WHAMM: variants seen among roughly 807,000 people sequenced by gnomAD.
WHAMM encodes WASP homolog associated with actin, golgi membranes and microtubules.
In WHAMM, 67 loss-of-function variants were observed where a neutral mutation model predicts 76.5. The observed-to-expected ratio is 0.88, with a 90% CI of 0.72 to 1.07. The LOEUF (loss-of-function observed/expected upper bound fraction) is 1.07. Ranked by LOEUF, WHAMM falls within the 50% of genes least tolerant of loss-of-function variation. The probability of loss-of-function intolerance (pLI) is 0.00; values close to 1 mark genes in which losing one functional copy is unlikely to be tolerated. For synonymous variants in WHAMM, 419 were observed against 422.1 expected (o/e 0.99, Z 0.09); for missense variants, 1,021 against 1,051.1 (o/e 0.97, Z 0.40).
At chr15:82,814,993 A>T (rs567069679) in intron 2 of WHAMM, among the ~76,000 whole-genome samples, 1 of 146,352 alleles carries the variant, frequency 6.8e-6, no homozygotes, top group African/African-American at 2.5e-5. Flanking sequence ...GATGGTCTTG[A>T]TCTCCTGACC....
At position 82,823,294 on chromosome 15, in the gene WHAMM, A is replaced by G; in HGVS notation, c.1458+7A>G. On this transcript the variant is annotated splice_region_variant and intron_variant, in intron 6 of 9. Coordinates refer to ENST00000286760, the MANE Select transcript of WHAMM (RefSeq NM_001080435.3). ...CTCTCTCCGGAGTAGAAAGGTAGGT[A>G]CGCTCAGAGCGGCTTTCTTTTCTTT... 1 of 1,463,150 alleles carries G rather than the reference A, an allele frequency of 6.8e-7. No individual in the cohort carries two copies. The highest frequency in any genetic ancestry group is 9.1e-7 in the Non-Finnish European group (1 of 1,099,040). 90.6% of individuals were successfully genotyped at this position (1,463,150 alleles called of 1,614,324 possible).
chr15:82,829,701 G>A (rs188749546), intron 8 of WHAMM, among the ~76,000 whole-genome samples: 1 of 151,944 alleles, frequency 6.6e-6, no homozygotes, highest in Non-Finnish European at 1.5e-5. Context: ...GGATTGCATG[G>A]GGGGGGTGTG....
At chr15:82,824,848 G>T (rs1661652644) in intron 6 of WHAMM, among the ~76,000 whole-genome samples, 1 of 151,912 alleles carries the variant, frequency 6.6e-6, no homozygotes, top group African/African-American at 2.4e-5. Flanking sequence ...ACTCTTCCAT[G>T]TAAATACAAA....
chr15:82,812,533 G>A (rs2050647355), intron 1 of WHAMM, among the ~76,000 whole-genome samples: 1 of 151,552 alleles, frequency 6.6e-6, no homozygotes, highest in South Asian at 2.1e-4. Context: ...TGGCCCTTAC[G>A]AGCTTTAAAA....
At chr15:82,811,607 G>C (rs1394268443) in intron 1 of WHAMM, among the ~76,000 whole-genome samples, 1 of 152,082 alleles carries the variant, frequency 6.6e-6, no homozygotes, top group African/African-American at 2.4e-5. Flanking sequence ...TAAAAATGAG[G>C]GGTTGGGAGA....
intron 7 of WHAMM, 116 bp downstream of exon 7, chr15:82,826,612 C>T (rs2050938913): frequency 6.3e-7 from 1 of 1,582,326 alleles, no homozygotes. Flanking sequence ...CATTAGCCTC[C>T]AGGTCTGCAG....
intron 2 of WHAMM, 31 bp downstream of exon 2, chr15:82,813,307 G>T: frequency 1.4e-6 from 2 of 1,442,622 alleles, no homozygotes; most frequent in Non-Finnish European, 1.8e-6. Flanking sequence ...TACTTTATCA[G>T]ATTTACTATT....
intron 4 of WHAMM, among the ~76,000 whole-genome samples, chr15:82,818,992 A>G (rs536643585): frequency 1.3e-5 from 2 of 152,338 alleles, no homozygotes; most frequent in East Asian, 3.9e-4. Context: ...ACATAATCTG[A>G]ACTTAATTAC....
chr15:82,810,738 T>G, intron 1 of WHAMM: 6 of 985,412 alleles, frequency 6.1e-6, no homozygotes, highest in Non-Finnish European at 7.2e-6. Flanking sequence ...TGAGGGGACG[T>G]CGCAAATGGG....
Position 82,833,364 on chromosome 15 carries a change from T to A in WHAMM, c.2258T>A (p.Leu753Gln), listed in dbSNP as rs541083213. ...ILAAIRQGVK[L>Q]KKVHPDLGPN... ...GCTGCCATAAGGCAAGGGGTCAAAC[T>A]GAAGAAAGTTCACCCTGATCTTGGC... is the stretch of plus-strand genomic sequence containing the variant. Residue 753 changes from leucine to glutamine, a missense_variant, in exon 10 of 10, where the codon CTG (leucine) becomes CAG (glutamine). Coordinates refer to ENST00000286760, the MANE Select transcript of WHAMM (RefSeq NM_001080435.3). 9 of 1,614,004 alleles carry A rather than the reference T, an allele frequency of 5.6e-6. No homozygotes were observed. In the South Asian group the frequency reaches 8.8e-5, roughly 16 times the overall value.
intron 2 of WHAMM, among the ~76,000 whole-genome samples, chr15:82,813,945 C>G (rs1304263379): frequency 1.3e-5 from 2 of 152,126 alleles, no homozygotes; most frequent in African/African-American, 4.8e-5. Context: ...CAAGCATGAG[C>G]CACTGCACCC....
At chr15:82,811,209 G>C (rs184003937) in intron 1 of WHAMM, among the ~76,000 whole-genome samples, 1 of 152,174 alleles carries the variant, frequency 6.6e-6, no homozygotes, top group East Asian at 1.9e-4. Context: ...TGTACTGTGG[G>C]TTTTATGTGT....
chr15:82,828,950 C>A (rs2050982809), intron 8 of WHAMM, among the ~76,000 whole-genome samples: 1 of 152,118 alleles, frequency 6.6e-6, no homozygotes, highest in African/African-American at 2.4e-5. Flanking sequence ...AGCGGCCATA[C>A]ACAGAATAAG....
chr15:82,823,307 C>A lies in WHAMM; in HGVS notation c.1458+20C>A, dbSNP rs879816366. The stretch of plus-strand genomic sequence containing the variant: ...AGAAAGGTAGGTACGCTCAGAGCGG[C>A]TTTCTTTTCTTTTCTCTTTCAGAGA... On this transcript the variant is annotated intron_variant, in intron 6 of 9. Transcript: ENST00000286760. The A allele has an allele frequency of 3.6e-6, 5 of 1,375,676 alleles. No homozygotes were observed. The highest frequency in any genetic ancestry group is 4.7e-6 in the Non-Finnish European group (5 of 1,053,752). The allele number at this position is 1,375,676 out of a possible 1,614,324, so 85.2% of individuals were successfully genotyped here. A position where few individuals can be genotyped will look rare whatever the true frequency, so the allele number is the denominator to read the frequency against.
chr15:82,813,789 TG>T (rs1275023252), intron 2 of WHAMM, among the ~76,000 whole-genome samples: 1 of 150,782 alleles, frequency 6.6e-6, no homozygotes, highest in Non-Finnish European at 1.5e-5. Context: ...CCTGAGTAGC[TG>T]GGATTACAGG....
chr15:82,826,437 A>AC lies in WHAMM; in HGVS notation c.1486_1487insC (p.Arg496ThrfsTer6). The AC allele has an allele frequency of 6.2e-7, 1 of 1,614,062 alleles. No individual in the cohort carries two copies. On this transcript the variant is annotated frameshift_variant, in exon 7 of 10. Coordinates refer to ENST00000286760, the MANE Select transcript of WHAMM (RefSeq NM_001080435.3). LOFTEE classifies it high-confidence loss of function. The stretch of plus-strand genomic sequence containing the variant: ...TCAGTGCAAAGAAAATCATCGGTTC[A>AC]GATTGCAACAGGCTGAAGAAAGCAT...
intron 8 of WHAMM, among the ~76,000 whole-genome samples, chr15:82,828,943 G>A (rs375439693): frequency 6.6e-4 from 100 of 152,284 alleles, no homozygotes; most frequent in Middle Eastern, 3.4e-3. Flanking sequence ...TATGGACAGC[G>A]GCCATACACA....
chr15:82,829,323 GAACTT>G (rs1448114927), intron 8 of WHAMM, among the ~76,000 whole-genome samples: 1 of 152,170 alleles, frequency 6.6e-6, no homozygotes, highest in Non-Finnish European at 1.5e-5. Context: ...AACAAAGGCA[GAACTT>G]AACAGTCCAG....
chr15:82,816,918 C>T (rs2050736736), intron 3 of WHAMM, 76 bp downstream of exon 3: 1 of 1,378,812 alleles, frequency 7.3e-7, no homozygotes, highest in African/African-American at 1.4e-5. Flanking sequence ...TTGAGTCCCT[C>T]TTACGCACTA....
Sources: gnomAD v4.1 joint callset for allele counts (sites outside exome capture counted in the v4.1 genomes callset) on GRCh38, gnomAD v4.1.1 for gene constraint, MANE v1.5 for transcripts, NCBI Gene and HGNC (gene_info 2026-07-23, HGNC 2026-07-21) for gene names.